The following GFI1B variants were observed in gnomAD, a reference collection of about 807,000 sequenced individuals.
GFI1B encodes growth factor independent 1B transcriptional repressor.
GFI1B carries 20 observed loss-of-function variants against 35.3 expected under a neutral mutation model. That is an observed-to-expected ratio of 0.57 (90% CI 0.40 to 0.82). GFI1B has a LOEUF of 0.82. Ranked by LOEUF, GFI1B falls within the 40% of genes least tolerant of loss-of-function variation. GFI1B has a pLI of 0.00. For missense variants in GFI1B, 430 were observed against 446.3 expected (o/e 0.96, Z 0.33); for synonymous variants, 178 against 177.6 (o/e 1.00, Z -0.02).
upstream of GFI1B, among the ~76,000 whole-genome samples, chr9:132,977,383 A>G (rs897617555): frequency 2.0e-5 from 3 of 152,120 alleles, no homozygotes; most frequent in Admixed American, 2.0e-4. Flanking sequence ...CCTGGTGACC[A>G]CAGGGTTGTG....
chr9:132,967,882 G>A (rs1202378825), intron 1 of GFI1B, among the ~76,000 whole-genome samples: 1 of 152,030 alleles, frequency 6.6e-6, no homozygotes, highest in African/African-American at 2.4e-5. Flanking sequence ...CTGGGTTCAA[G>A]CGATTCTCCT....
intron 1 of GFI1B, among the ~76,000 whole-genome samples, chr9:132,959,981 G>A (rs1848340235): frequency 6.6e-6 from 1 of 152,152 alleles, no homozygotes; most frequent in African/African-American, 2.4e-5. Flanking sequence ...GCGGTTCCAG[G>A]TAGACATGAA....
intron 1 of GFI1B, among the ~76,000 whole-genome samples, chr9:132,962,886 C>T (rs373573202): frequency 3.5e-5 from 5 of 143,120 alleles, no homozygotes; most frequent in Admixed American, 1.4e-4. Flanking sequence ...GCCTAGCCAA[C>T]GTGGTGAAAA....
intron 1 of GFI1B, among the ~76,000 whole-genome samples, chr9:132,966,744 C>A (rs1386046791): frequency 6.6e-6 from 1 of 152,158 alleles, no homozygotes; most frequent in East Asian, 1.9e-4. Context: ...CCATTTTAAC[C>A]AAACTCAGCA....
chr9:132,981,407 C>A (rs1254259775), intron 1 of GFI1B, among the ~76,000 whole-genome samples: 1 of 152,156 alleles, frequency 6.6e-6, no homozygotes, highest in Non-Finnish European at 1.5e-5. Flanking sequence ...TTGAGAACTC[C>A]TTCTAAATTT....
At position 132,991,207 on chromosome 9, in the gene GFI1B, G is replaced by A; in HGVS notation, c.*157G>A. The A allele has an allele frequency of 1.4e-6, 1 of 690,822 alleles. No individual in the cohort carries two copies. Among genetic ancestry groups the A allele is most frequent in the Non-Finnish European group, 2.5e-6 (1 of 394,742 alleles). 42.8% of individuals were successfully genotyped at this position (690,822 alleles called of 1,614,324 possible). A position where few individuals can be genotyped will look rare whatever the true frequency, so the allele number is the denominator to read the frequency against. The stretch of plus-strand genomic sequence containing the variant: ...TCATGAAATTGCTGTGTGACCTTGG[G>A]CAAGTCACTTACCCTGTCTGGATCA... On this transcript the variant is annotated 3_prime_UTR_variant, in exon 7 of 7. Transcript: ENST00000372122.
At chr9:132,973,497 A>G (rs1848570158) in intron 2 of GFI1B, among the ~76,000 whole-genome samples, 1 of 152,226 alleles carries the variant, frequency 6.6e-6, no homozygotes, top group Non-Finnish European at 1.5e-5. Context: ...CCCCAGTCTC[A>G]CCGAAAAGCA....
chr9:132,985,922 G>A (rs1363972914), intron 1 of GFI1B, among the ~76,000 whole-genome samples: 1 of 152,172 alleles, frequency 6.6e-6, no homozygotes, highest in South Asian at 2.1e-4. Context: ...GGGGTCCACT[G>A]TGTGTCACAG....
At chr9:132,984,597 G>T (rs1224109693) in intron 1 of GFI1B, among the ~76,000 whole-genome samples, 1 of 152,192 alleles carries the variant, frequency 6.6e-6, no homozygotes, top group Non-Finnish European at 1.5e-5. Flanking sequence ...CTGGGTGCTG[G>T]GATGCGGGGG....
intron 1 of GFI1B, among the ~76,000 whole-genome samples, chr9:132,983,692 C>T (rs898806526): frequency 2.6e-5 from 4 of 152,202 alleles, no homozygotes; most frequent in African/African-American, 9.6e-5. Flanking sequence ...CCTGGGAAGA[C>T]ACTGCTTGAC....
At chr9:132,990,201 A>C (rs937761811) in intron 6 of GFI1B, among the ~76,000 whole-genome samples, 1 of 152,318 alleles carries the variant, frequency 6.6e-6, no homozygotes, top group South Asian at 2.1e-4. Flanking sequence ...TTGCTCATTC[A>C]TTTGTTCACT....
At chr9:132,990,031 G>A (rs1849233748) in intron 6 of GFI1B, 124 bp downstream of exon 6, 1 of 811,654 alleles carries the variant, frequency 1.2e-6, no homozygotes, top group Non-Finnish European at 2.1e-6. Context: ...AAAGGCCACT[G>A]CTGATGGAGG....
intron 1 of GFI1B, among the ~76,000 whole-genome samples, chr9:132,985,628 G>A (rs1012423443): frequency 2.6e-5 from 4 of 152,168 alleles, no homozygotes; most frequent in Non-Finnish European, 5.9e-5. Flanking sequence ...AGGAGCACGT[G>A]GATTGGCAAT....
intron 1 of GFI1B, among the ~76,000 whole-genome samples, chr9:132,963,202 T>C (rs1005244075): frequency 2.0e-5 from 3 of 150,264 alleles, no homozygotes; most frequent in Non-Finnish European, 4.4e-5. Flanking sequence ...ATATTATTGG[T>C]CAGGCGTGGT....
At chr9:132,974,601 C>CAAAAAAAAAAAAAAAAAAAAAA (rs11243966), upstream of GFI1B, among the ~76,000 whole-genome samples, 1 of 79,820 alleles carries the variant, frequency 1.3e-5, no homozygotes, top group African/African-American at 5.6e-5. Flanking sequence ...GAATCCGTCT[C>CAAAAAAAAAAAAAAAAAAAAAA]AAAAAAAAAA....
chr9:132,975,023 A>C (rs7021711), upstream of GFI1B: 29,110 of 152,186 alleles, frequency 0.19, 3,039 homozygotes, highest in South Asian at 0.38. Flanking sequence ...CCAGCTACTC[A>C]GGAGCTTGGG....
upstream of GFI1B, among the ~76,000 whole-genome samples, chr9:132,978,194 G>A (rs1848689623): frequency 6.6e-6 from 1 of 150,384 alleles, no homozygotes; most frequent in Non-Finnish European, 1.5e-5. Context: ...AGGAGAAGGA[G>A]GGAGGGAGGG....
chr9:132,957,610 A>T (rs1329019140), intron 1 of GFI1B, among the ~76,000 whole-genome samples: 1 of 152,232 alleles, frequency 6.6e-6, no homozygotes, highest in East Asian at 1.9e-4. Context: ...CAATTATAAT[A>T]CAACCCAGAA....
intron 2 of GFI1B, 115 bp from the exon 3 acceptor site, chr9:132,987,167 G>T: frequency 4.3e-6 from 5 of 1,152,734 alleles, no homozygotes; most frequent in East Asian, 2.5e-5. Flanking sequence ...CAGAAGCAGC[G>T]GCACGTGGCT....
Sources: gnomAD v4.1 joint callset for allele counts (sites outside exome capture counted in the v4.1 genomes callset) on GRCh38, gnomAD v4.1.1 for gene constraint, MANE v1.5 for transcripts, NCBI Gene and HGNC (gene_info 2026-07-23, HGNC 2026-07-21) for gene names.